Variants in ZSWIM5 observed in about 807,000 individuals in gnomAD.
ZSWIM5 encodes the protein zinc finger SWIM-type containing 5.
In ZSWIM5, 55 loss-of-function variants were observed where a neutral mutation model predicts 119.6. The observed-to-expected ratio is 0.46, with a 90% confidence interval of 0.37 to 0.58. ZSWIM5 has a LOEUF of 0.58. Among genes scored for constraint, ZSWIM5 ranks in the 20% least tolerant of loss-of-function variants. ZSWIM5 has a pLI of 0.00. For missense variants in ZSWIM5, 1,193 were observed against 1,512.8 expected (o/e 0.79, Z 3.51); for synonymous variants, 537 against 606.9 (o/e 0.88, Z 1.69).
chr1:45,201,023 C>A (rs1270258781), intron 1 of ZSWIM5, among the ~76,000 whole-genome samples: 1 of 151,958 alleles, frequency 6.6e-6, no homozygotes, highest in African/African-American at 2.4e-5. Flanking sequence ...TAGGGTGAGC[C>A]CCTAATCCAA....
intron 2 of ZSWIM5, among the ~76,000 whole-genome samples, chr1:45,079,563 G>T (rs1202091712): frequency 6.6e-6 from 1 of 152,154 alleles, no homozygotes; most frequent in African/African-American, 2.4e-5. Context: ...CCATCCAAGA[G>T]CCAAGTCCTG....
chr1:45,100,848 T>C (rs566311970), intron 1 of ZSWIM5, among the ~76,000 whole-genome samples: 4 of 152,338 alleles, frequency 2.6e-5, no homozygotes, highest in African/African-American at 7.2e-5. Flanking sequence ...GCTAGCCATA[T>C]GTAGAAAGCT....
At position 45,020,130 on chromosome 1, in the gene ZSWIM5, T is replaced by C; in HGVS notation, c.2631A>G (p.Leu877=). The change falls in exon 13 of 14, where the codon TTA becomes TTG. Residue 877 remains leucine (L), a synonymous_variant. Coordinates refer to ENST00000359600, the MANE Select transcript of ZSWIM5 (RefSeq NM_020883.2). Reference sequence around the variant, plus strand: ...CCCTGCGTCTCCAGTTAAGGGTTGATAAGGTCATCCGCATCACCTGGGCAC... The same window carrying C: ...CCCTGCGTCTCCAGTTAAGGGTTGACAAGGTCATCCGCATCACCTGGGCAC... ...ELGLQVMRMT[L]STLNWRRREM... 6.2e-7 allele frequency: 1 copy of C among 1,614,186 alleles called. No homozygotes were observed. Among genetic ancestry groups the C allele is most frequent in the East Asian group, 2.2e-5 (1 of 44,872 alleles).
chr1:45,185,446 G>C (rs57805650), intron 1 of ZSWIM5, among the ~76,000 whole-genome samples: 22,184 of 149,434 alleles, frequency 0.15, 1,701 homozygotes, highest in Non-Finnish European at 0.15. Flanking sequence ...AAGAAACTAC[G>C]ATCAGAGTGA....
chr1:45,041,738 A>C (rs547312565), intron 6 of ZSWIM5, among the ~76,000 whole-genome samples: 17 of 152,272 alleles, frequency 1.1e-4, no homozygotes, highest in African/African-American at 4.1e-4. Context: ...GGGTTTCACC[A>C]TGTTGGCCAG....
At chr1:45,058,565 C>T (rs1289422643) in intron 4 of ZSWIM5, 44 bp downstream of exon 4, 1 of 1,611,014 alleles carries the variant, frequency 6.2e-7, no homozygotes, top group African/African-American at 1.3e-5. Flanking sequence ...TGCCACAGGG[C>T]AAGATGGTAG....
intron 1 of ZSWIM5, among the ~76,000 whole-genome samples, chr1:45,154,825 T>C (rs1391465690): frequency 6.6e-6 from 1 of 152,048 alleles, no homozygotes; most frequent in East Asian, 1.9e-4. Context: ...GAGGCTGCAG[T>C]GAATGGAGAT....
At chr1:45,191,800 T>C (rs192606692) in intron 1 of ZSWIM5, among the ~76,000 whole-genome samples, 5 of 152,378 alleles carry the variant, frequency 3.3e-5, no homozygotes, top group African/African-American at 1.2e-4. Context: ...TTGAAGGTTT[T>C]CCTTTCCTTT....
At chr1:45,102,017 T>C (rs1645442419) in intron 1 of ZSWIM5, among the ~76,000 whole-genome samples, 1 of 149,978 alleles carries the variant, frequency 6.7e-6, no homozygotes, top group Non-Finnish European at 1.5e-5. Flanking sequence ...TGTGCACATG[T>C]ACCCTAGAAC....
At chr1:45,163,744 A>C (rs1645880155) in intron 1 of ZSWIM5, among the ~76,000 whole-genome samples, 1 of 152,230 alleles carries the variant, frequency 6.6e-6, no homozygotes, top group Non-Finnish European at 1.5e-5. Flanking sequence ...GATCAAATGA[A>C]TGAAGTCAGA....
At chr1:45,049,036 T>C (rs1201913409) in intron 5 of ZSWIM5, among the ~76,000 whole-genome samples, 2 of 151,722 alleles carry the variant, frequency 1.3e-5, no homozygotes, top group African/African-American at 2.4e-5. Flanking sequence ...GAGGCTGAGA[T>C]GGGAGGATCA....
At chr1:45,038,620 T>TTTTTTTTTTTTTTTA (rs1319586880) in intron 8 of ZSWIM5, among the ~76,000 whole-genome samples, 2 of 139,674 alleles carry the variant, frequency 1.4e-5, no homozygotes, top group Non-Finnish European at 3.1e-5. Context: ...TTTTTTTTTT[T>TTTTTTTTTTTTTTTA]TAATGAAACA....
chr1:45,094,276 G>A (rs986997892), intron 1 of ZSWIM5, among the ~76,000 whole-genome samples: 1 of 151,728 alleles, frequency 6.6e-6, no homozygotes, highest in Non-Finnish European at 1.5e-5. Context: ...GGATGGTCTC[G>A]ATCTCCTGAC....
chr1:45,084,864 A>T (rs530610709), intron 2 of ZSWIM5, among the ~76,000 whole-genome samples: 1 of 152,360 alleles, frequency 6.6e-6, no homozygotes, highest in Admixed American at 6.5e-5. Flanking sequence ...GGTGCACAGT[A>T]TAAGCTGTTG....
chr1:45,203,403 CTT>C (rs911510833), intron 1 of ZSWIM5, among the ~76,000 whole-genome samples: 2 of 151,770 alleles, frequency 1.3e-5, no homozygotes, highest in African/African-American at 4.8e-5. Context: ...CCTTATGACT[CTT>C]TTTCTTAAAA....
At chr1:45,101,822 T>C (rs998389512) in intron 1 of ZSWIM5, among the ~76,000 whole-genome samples, 11 of 152,100 alleles carry the variant, frequency 7.2e-5, no homozygotes, top group African/African-American at 2.4e-4. Context: ...TTCTCACTCA[T>C]AGGTGGGAGT....
chr1:45,201,107 T>G (rs1476749169), intron 1 of ZSWIM5, among the ~76,000 whole-genome samples: 1 of 151,950 alleles, frequency 6.6e-6, no homozygotes, highest in Non-Finnish European at 1.5e-5. Flanking sequence ...GACCACAAAA[T>G]CAGAGATTGG....
chr1:45,088,278 G>T lies in ZSWIM5; in HGVS notation c.596-41C>A. The stretch of plus-strand genomic sequence containing the variant: ...AGAAACTGTGTTTAGAGATTCTAGA[G>T]TAATAAACTTAGATTCTCATTTTAC... On this transcript the variant is annotated intron_variant, in intron 1 of 13. Transcript: ENST00000359600. This position sits in a 1 kb window ranked among gnomAD's most constrained non-coding sequence, Gnocchi z 4.2. 1 of 1,388,696 alleles carries T rather than the reference G, an allele frequency of 7.2e-7. No individual in the cohort carries two copies. The highest frequency in any genetic ancestry group is 2.3e-5 in the East Asian group (1 of 43,314). The allele number at this position is 1,388,696 out of a possible 1,614,324, so 86.0% of individuals were successfully genotyped here. A position where few individuals can be genotyped will look rare whatever the true frequency, so the allele number is the denominator to read the frequency against.
chr1:45,036,109 T>C lies in ZSWIM5; in HGVS notation c.2085A>G (p.Gln695=), dbSNP rs770590923. ...CATCGTCCAGCTGCAGCTCTTGGAG[T>C]TGGCTCAGGAGCTGCTCCTCATTAC... ...VCRNEEQLLS[Q]LQELQLDDEL... is the part of the protein sequence containing the mutation. Residue 695 remains glutamine (Q), a synonymous_variant, in exon 9 of 14, where the codon CAA becomes CAG. Coordinates refer to ENST00000359600, the MANE Select transcript of ZSWIM5 (RefSeq NM_020883.2). 1 of 1,614,094 alleles carries C rather than the reference T, an allele frequency of 6.2e-7. No individual in the cohort carries two copies. Among genetic ancestry groups the C allele is most frequent in the South Asian group, 1.1e-5 (1 of 91,074 alleles).
Sources: gnomAD v4.1 joint callset for allele counts (sites outside exome capture counted in the v4.1 genomes callset) on GRCh38, gnomAD v4.1.1 for gene constraint, Gnocchi (gnomAD v3.1) non-coding constraint, MANE v1.5 for transcripts, NCBI Gene and HGNC (gene_info 2026-07-23, HGNC 2026-07-21) for gene names.